The following PCDHA11 variants were observed in gnomAD, a reference collection of about 807,000 sequenced individuals.
PCDHA11 encodes the protein protocadherin alpha-11.
Under a neutral mutation model 70.3 loss-of-function variants are expected in PCDHA11, and 61 were observed. That is an observed-to-expected ratio of 0.87 (90% CI 0.71 to 1.07). PCDHA11 has a LOEUF of 1.07. Ranked by LOEUF, PCDHA11 falls within the 50% of genes least tolerant of loss-of-function variation. PCDHA11 has a pLI of 0.00. For missense variants in PCDHA11, 1,324 were observed against 1,237.5 expected (o/e 1.07, Z -1.05); for synonymous variants, 633 against 555.1 (o/e 1.14, Z -1.97).
chr5:140,892,172 G>A (rs2063414943), intron 1 of PCDHA11, among the ~76,000 whole-genome samples: 1 of 152,100 alleles, frequency 6.6e-6, no homozygotes, highest in African/African-American at 2.4e-5. Flanking sequence ...CAGTAACTGG[G>A]ATCCTCATGG....
intron 3 of PCDHA11, among the ~76,000 whole-genome samples, chr5:140,987,333 T>C (rs1470731690): frequency 6.6e-6 from 1 of 152,158 alleles, no homozygotes; most frequent in East Asian, 1.9e-4. Context: ...TAAGAACTGG[T>C]CTAAGGTAAA....
At chr5:140,921,663 T>G (rs1427342485) in intron 1 of PCDHA11, among the ~76,000 whole-genome samples, 1 of 152,144 alleles carries the variant, frequency 6.6e-6, no homozygotes, top group Admixed American at 6.5e-5. Flanking sequence ...TAATAAAAAT[T>G]TAACAGTTAT....
At chr5:140,875,536 G>A (rs2055577552) in intron 1 of PCDHA11, 2 of 1,614,130 alleles carry the variant, frequency 1.2e-6, no homozygotes, top group Non-Finnish European at 1.7e-6. Flanking sequence ...TCTGCTCCTT[G>A]CAGCCTGGGA....
intron 1 of PCDHA11, among the ~76,000 whole-genome samples, chr5:140,894,090 C>T (rs1554185919): frequency 6.6e-6 from 1 of 152,154 alleles, no homozygotes; most frequent in African/African-American, 2.4e-5. Flanking sequence ...CCAGTATCTT[C>T]TAGCTCCTGG....
chr5:140,927,687 T>C (rs1563095426), intron 1 of PCDHA11: 2 of 1,614,158 alleles, frequency 1.2e-6, no homozygotes, highest in Non-Finnish European at 1.7e-6. Context: ...AAGGGTCCAA[T>C]GGGGAAGTCC....
At chr5:140,928,676 G>A in intron 1 of PCDHA11, 2 of 1,614,166 alleles carry the variant, frequency 1.2e-6, no homozygotes, top group East Asian at 2.2e-5. Context: ...TCTAATGCCT[G>A]GCTTTCCTAC....
chr5:140,919,649 T>C (rs1252944920), intron 1 of PCDHA11, among the ~76,000 whole-genome samples: 1 of 152,202 alleles, frequency 6.6e-6, no homozygotes, highest in African/African-American at 2.4e-5. Flanking sequence ...TTCTCTAGAG[T>C]TTACCATATA....
At chr5:140,880,694 A>C (rs1254061280) in intron 1 of PCDHA11, among the ~76,000 whole-genome samples, 1 of 152,228 alleles carries the variant, frequency 6.6e-6, no homozygotes, top group Non-Finnish European at 1.5e-5. Context: ...AGTCATGGTT[A>C]AGTGACAATG....
Position 140,965,232 on chromosome 5 carries a change from G to T in PCDHA11, c.2392-13717G>T, listed in dbSNP as rs192008157. ...TCCTGTGGAAGAAATGTGAGAACCT[G>T]GGAAGAGTGAATATTCAGAACTGAG... On this transcript the variant is annotated intron_variant, in intron 1 of 3. Coordinates refer to ENST00000398640, the MANE Select transcript of PCDHA11 (RefSeq NM_018902.5). Among the ~76,000 whole-genome samples, 4 of 152,312 alleles carry T rather than the reference G, an allele frequency of 2.6e-5. No individual in the cohort carries two copies. In the East Asian group the frequency reaches 7.7e-4, roughly 29 times the overall value.
intron 1 of PCDHA11, among the ~76,000 whole-genome samples, chr5:140,893,957 G>T (rs1308768731): frequency 1.3e-5 from 2 of 152,100 alleles, no homozygotes; most frequent in African/African-American, 4.8e-5. Context: ...GACTTTATTA[G>T]TCATTAGATA....
chr5:140,892,608 TA>T (rs1442553538), intron 1 of PCDHA11, among the ~76,000 whole-genome samples: 2 of 152,184 alleles, frequency 1.3e-5, no homozygotes, highest in African/African-American at 4.8e-5. Flanking sequence ...TTTTTCCTTT[TA>T]TTTCCAGTTG....
At chr5:140,964,118 C>G (rs1325218833) in intron 1 of PCDHA11, among the ~76,000 whole-genome samples, 1 of 151,942 alleles carries the variant, frequency 6.6e-6, no homozygotes, top group African/African-American at 2.4e-5. Flanking sequence ...CAATCACATT[C>G]TAACAACTAG....
At chr5:140,998,738 A>G (rs1163158052) in intron 3 of PCDHA11, among the ~76,000 whole-genome samples, 1 of 151,972 alleles carries the variant, frequency 6.6e-6, no homozygotes, top group Non-Finnish European at 1.5e-5. Context: ...CTAATTTTGT[A>G]TTTTTAGAAG....
At chr5:140,981,584 A>G (rs556917015) in intron 2 of PCDHA11, among the ~76,000 whole-genome samples, 1 of 152,258 alleles carries the variant, frequency 6.6e-6, no homozygotes, top group Non-Finnish European at 1.5e-5. Context: ...AAAAATAAAT[A>G]AAATAAAACA....
At position 140,967,914 on chromosome 5, in the gene PCDHA11, T is replaced by C. The variant is rs1376293284; in HGVS notation, c.2392-11035T>C. On this transcript the variant is annotated intron_variant, in intron 1 of 3. Coordinates refer to ENST00000398640, the MANE Select transcript of PCDHA11 (RefSeq NM_018902.5). ...CCTGAGAATGCTACACCCAACACCA[T>C]TGTGGCCGTTCTCAGTGTCAATGAC... 1.2e-5 allele frequency: 20 copies of C among 1,614,060 alleles called. No individual in the cohort carries two copies. The highest frequency in any genetic ancestry group is 3.3e-5 in the South Asian group (3 of 91,086).
chr5:140,929,024 C>T, intron 1 of PCDHA11: 1 of 1,614,172 alleles, frequency 6.2e-7, no homozygotes, highest in Non-Finnish European at 8.5e-7. Context: ...CACCAGAGCC[C>T]AGGCTGTTGC....
intron 3 of PCDHA11, among the ~76,000 whole-genome samples, chr5:140,993,629 T>G (rs1359195159): frequency 5.9e-5 from 9 of 152,160 alleles, no homozygotes; most frequent in Non-Finnish European, 1.0e-4. Flanking sequence ...CTATATATAG[T>G]CGTGTACCAA....
At chr5:140,973,272 TC>T (rs1412629943) in intron 1 of PCDHA11, among the ~76,000 whole-genome samples, 1 of 152,134 alleles carries the variant, frequency 6.6e-6, no homozygotes, top group African/African-American at 2.4e-5. Flanking sequence ...TACTTTTATT[TC>T]CCCCAGCACT....
chr5:140,882,932 C>G (rs946510478), intron 1 of PCDHA11: 1 of 1,614,196 alleles, frequency 6.2e-7, no homozygotes, highest in Admixed American at 1.7e-5. Flanking sequence ...TAAACCCGAG[C>G]TGACTGGCAC....
Sources: allele counts gnomAD v4.1 joint callset (sites outside exome capture counted in the v4.1 genomes callset), GRCh38; gene constraint gnomAD v4.1.1; transcripts MANE v1.5; gene names NCBI Gene and HGNC (gene_info 2026-07-23, HGNC 2026-07-21).